The following LRRTM4 variants were observed in gnomAD, a reference collection of about 807,000 sequenced individuals.
LRRTM4 encodes leucine rich repeat transmembrane neuronal 4.
Under a neutral mutation model 47.6 loss-of-function variants are expected in LRRTM4, and 25 were observed. That is an observed-to-expected ratio of 0.53 (90% CI 0.38 to 0.73). LRRTM4 has a LOEUF of 0.73. Among genes scored for constraint, LRRTM4 ranks in the 30% least tolerant of loss-of-function variants. The pLI is 0.00. For missense variants in LRRTM4, 638 were observed against 713.4 expected (o/e 0.89, Z 1.20); for synonymous variants, 311 against 269.5 (o/e 1.15, Z -1.51).
intron 3 of LRRTM4, among the ~76,000 whole-genome samples, chr2:77,465,088 A>AT (rs1000804256): frequency 6.6e-6 from 1 of 152,092 alleles, no homozygotes; most frequent in African/African-American, 2.4e-5. Context: ...CAAATCCTTA[A>AT]TTTTTTATTG....
chr2:76,937,714 G>A (rs1675004643), intron 3 of LRRTM4, among the ~76,000 whole-genome samples: 1 of 152,004 alleles, frequency 6.6e-6, no homozygotes, highest in African/African-American at 2.4e-5. Flanking sequence ...GATTACAGGT[G>A]TGCCACCACA....
At position 76,819,886 on chromosome 2, in the gene LRRTM4, C is replaced by G. The variant is rs575500084; in HGVS notation, c.1552-70970G>C. Among the ~76,000 whole-genome samples, 5 of 151,938 alleles carry G rather than the reference C, an allele frequency of 3.3e-5. No individual in the cohort carries two copies. In the South Asian group the frequency reaches 1.0e-3, roughly 31 times the overall value. On this transcript the variant is annotated intron_variant, in intron 3 of 3. Coordinates refer to ENST00000409884, the MANE Select transcript of LRRTM4 (RefSeq NM_001134745.3). ...TTTTTGCTTTTTCAGGAATCCCAGC[C>G]CATCTGTACAACCACTGTGTGATCT... is the stretch of plus-strand genomic sequence containing the variant.
chr2:76,884,176 CTTCTTGAGATAT>C (rs1673007417), intron 3 of LRRTM4, among the ~76,000 whole-genome samples: 1 of 152,064 alleles, frequency 6.6e-6, no homozygotes, highest in Non-Finnish European at 1.5e-5. Flanking sequence ...TCATGCTAGA[CTTCTTGAGATAT>C]TTTCTCATTG....
At chr2:77,510,308 G>A (rs970999528) in intron 3 of LRRTM4, among the ~76,000 whole-genome samples, 2 of 152,118 alleles carry the variant, frequency 1.3e-5, no homozygotes, top group Non-Finnish European at 2.9e-5. Context: ...AAGAGCAAGT[G>A]AAAGAACGTA....
chr2:76,799,993 G>A (rs942436439), intron 3 of LRRTM4, among the ~76,000 whole-genome samples: 13 of 151,736 alleles, frequency 8.6e-5, no homozygotes, highest in African/African-American at 2.9e-4. Context: ...CTCGTGGGTA[G>A]GAAGAATCAA....
At chr2:77,204,031 A>C (rs902122196) in intron 3 of LRRTM4, among the ~76,000 whole-genome samples, 1 of 152,138 alleles carries the variant, frequency 6.6e-6, no homozygotes, top group Admixed American at 6.6e-5. Flanking sequence ...AGGATCCACA[A>C]TGTCAGTGTC....
chr2:77,075,644 G>A (rs908113040), intron 3 of LRRTM4, among the ~76,000 whole-genome samples: 35 of 151,912 alleles, frequency 2.3e-4, no homozygotes, highest in South Asian at 6.2e-4. Flanking sequence ...GGCCGGGCGC[G>A]GTGGCTCACG....
chr2:77,102,212 C>T (rs1383699426), intron 3 of LRRTM4, among the ~76,000 whole-genome samples: 1 of 152,156 alleles, frequency 6.6e-6, no homozygotes. Context: ...CAACCCCGCA[C>T]CCTCATGTGG....
At chr2:77,085,646 T>A (rs907337638) in intron 3 of LRRTM4, among the ~76,000 whole-genome samples, 1 of 152,132 alleles carries the variant, frequency 6.6e-6, no homozygotes, top group South Asian at 2.1e-4. Flanking sequence ...CTTGACACAA[T>A]TGCTTTAATT....
intron 3 of LRRTM4, among the ~76,000 whole-genome samples, chr2:76,891,458 C>T (rs1281754532): frequency 6.6e-6 from 1 of 151,566 alleles, no homozygotes; most frequent in African/African-American, 2.4e-5. Context: ...CACAGAACTA[C>T]TCCTGGATAA....
intron 3 of LRRTM4, among the ~76,000 whole-genome samples, chr2:76,800,448 C>T (rs533979824): frequency 3.0e-5 from 4 of 134,240 alleles, no homozygotes; most frequent in African/African-American, 8.8e-5. Flanking sequence ...ATACAAAAAT[C>T]AATTCAAGAT....
At chr2:77,132,037 C>T (rs1051388316) in intron 3 of LRRTM4, among the ~76,000 whole-genome samples, 1 of 152,080 alleles carries the variant, frequency 6.6e-6, no homozygotes, top group African/African-American at 2.4e-5. Context: ...TTTTGAAATA[C>T]GTGTTACATT....
At chr2:76,951,113 G>T (rs1675479014) in intron 3 of LRRTM4, among the ~76,000 whole-genome samples, 1 of 109,380 alleles carries the variant, frequency 9.1e-6, no homozygotes, top group African/African-American at 2.8e-5. Context: ...TCAAATGATA[G>T]ATTGGCTGCT....
chr2:77,180,141 T>A (rs114232442), intron 3 of LRRTM4, among the ~76,000 whole-genome samples: 1,909 of 152,248 alleles, frequency 0.013, 39 homozygotes, highest in African/African-American at 0.044. Flanking sequence ...TTTGCTGTAA[T>A]GTAAAAAGAG....
chr2:76,915,855 T>C (rs577354953), intron 3 of LRRTM4, among the ~76,000 whole-genome samples: 1 of 152,310 alleles, frequency 6.6e-6, no homozygotes, highest in East Asian at 1.9e-4. Flanking sequence ...TCAATATCAT[T>C]CTACTTCTAT....
chr2:77,424,297 T>G (rs1408658805), intron 3 of LRRTM4, among the ~76,000 whole-genome samples: 2 of 150,022 alleles, frequency 1.3e-5, no homozygotes, highest in Non-Finnish European at 2.9e-5. Context: ...GAAAACTGAA[T>G]TTTTAGAAAA....
At chr2:76,764,325 A>C (rs1041941896) in intron 3 of LRRTM4, among the ~76,000 whole-genome samples, 4 of 152,190 alleles carry the variant, frequency 2.6e-5, no homozygotes, top group Non-Finnish European at 5.9e-5. Flanking sequence ...TACTTGATAA[A>C]GTGATTAAGA....
intron 3 of LRRTM4, among the ~76,000 whole-genome samples, chr2:77,080,124 C>T (rs1481853262): frequency 6.6e-6 from 1 of 152,120 alleles, no homozygotes; most frequent in Non-Finnish European, 1.5e-5. Context: ...TTGCTAAATT[C>T]AATGTTTATT....
chr2:77,265,144 G>A (rs1676017756), intron 3 of LRRTM4, among the ~76,000 whole-genome samples: 1 of 151,954 alleles, frequency 6.6e-6, no homozygotes, highest in Non-Finnish European at 1.5e-5. Flanking sequence ...ATGCATCAAG[G>A]CTATAAAAGG....
Sources: gnomAD v4.1 joint callset for allele counts (sites outside exome capture counted in the v4.1 genomes callset) on GRCh38, gnomAD v4.1.1 for gene constraint, MANE v1.5 for transcripts, NCBI Gene and HGNC (gene_info 2026-07-23, HGNC 2026-07-21) for gene names.